TMEM164: variants seen among roughly 807,000 people sequenced by gnomAD.
TMEM164 encodes the protein RP13-360B22.2.
A neutral mutation model predicts 18.8 loss-of-function variants in TMEM164; 4 were observed. That is an observed-to-expected ratio of 0.21 (90% CI 0.10 to 0.49). The LOEUF (loss-of-function observed/expected upper bound fraction) is 0.49, where lower values mean the gene tolerates loss of function less well. TMEM164 is among the 20% of genes least tolerant of loss of function. The pLI is 0.98. For missense variants in TMEM164, 108 were observed against 239.9 expected, an observed-to-expected ratio of 0.45 and a Z score of 3.63; for synonymous variants, 86 against 101.7, an observed-to-expected ratio of 0.85 and a Z score of 0.93.
chrX:110,066,559 C>T (rs964120095), intron 2 of TMEM164, among the ~76,000 whole-genome samples: 1 of 111,961 alleles, frequency 8.9e-6, no homozygotes, highest in Non-Finnish European at 1.9e-5. Flanking sequence ...ATGGGGGAAC[C>T]CAGGAATTTG....
chrX:110,046,497 A>G, intron 2 of TMEM164: 1 of 752,276 alleles, frequency 1.3e-6, no homozygotes, highest in Non-Finnish European at 1.6e-6. Context: ...AAGGAGGCTG[A>G]AAAAAGGTGG....
At chrX:110,105,318 T>A (rs903540730) in intron 3 of TMEM164, among the ~76,000 whole-genome samples, 6 of 110,948 alleles carry the variant, frequency 5.4e-5, no homozygotes, top group Admixed American at 9.7e-5. Flanking sequence ...ATGCATTTTT[T>A]AAATATAATT....
At chrX:110,111,639 A>G (rs59934729) in intron 4 of TMEM164, among the ~76,000 whole-genome samples, 1 of 112,377 alleles carries the variant, frequency 8.9e-6, no homozygotes, top group African/African-American at 3.2e-5. Context: ...GTGGATAGAT[A>G]TAGTTCCTCT....
At chrX:110,129,604 AC>A (rs2066584532) in intron 4 of TMEM164, among the ~76,000 whole-genome samples, 1 of 112,492 alleles carries the variant, frequency 8.9e-6, no homozygotes, top group Non-Finnish European at 1.9e-5. Flanking sequence ...TTTATCCAGG[AC>A]TTTTGGATGT....
chrX:110,014,879 G>T (rs1005106940), intron 2 of TMEM164, among the ~76,000 whole-genome samples: 1 of 109,520 alleles, frequency 9.1e-6, no homozygotes, highest in Non-Finnish European at 1.9e-5. Flanking sequence ...GAGCTCCTGG[G>T]TGAAAGGCAG....
chrX:110,053,937 A>C (rs929447320), intron 2 of TMEM164, among the ~76,000 whole-genome samples: 1 of 111,693 alleles, frequency 9.0e-6, no homozygotes, highest in African/African-American at 3.3e-5. Flanking sequence ...AGATGTGCGC[A>C]TGTGTTCTGG....
At chrX:110,132,562 G>C (rs1010898806) in intron 4 of TMEM164, among the ~76,000 whole-genome samples, 3 of 111,689 alleles carry the variant, frequency 2.7e-5, no homozygotes, top group African/African-American at 9.8e-5. Flanking sequence ...GATATTACTT[G>C]GTTGTTTTTC....
intron 3 of TMEM164, among the ~76,000 whole-genome samples, chrX:110,096,999 T>G (rs1278587516): frequency 2.7e-5 from 3 of 111,697 alleles, no homozygotes; most frequent in Non-Finnish European, 5.6e-5. Flanking sequence ...GACTCCGGGA[T>G]GGTAGAAATA....
rs1932522313 is a variant in TMEM164 at position 110,004,120 on chromosome X, G to A, written c.346G>A (p.Val116Ile). 8.3e-7 allele frequency: 1 copy of A among 1,207,683 alleles called. No homozygotes were observed. Among genetic ancestry groups the A allele is most frequent in the Non-Finnish European group, 1.1e-6 (1 of 894,465 alleles). ...EVGFKFATKT[V>I]IYLLNPCHLV... Reference sequence around the variant, plus strand: ...GGGCTTTAAGTTCGCCACCAAGACCGTCATCTACCTGCTCAACCCCTGTCA... The same window carrying A: ...GGGCTTTAAGTTCGCCACCAAGACCATCATCTACCTGCTCAACCCCTGTCA... The change falls in exon 2 of 7, where the codon GTC becomes ATC. Residue 116 changes from valine to isoleucine, a missense_variant. By Grantham distance (29) the Val-to-Ile change is conservative (BLOSUM62 3). Coordinates refer to ENST00000372068, the MANE Select transcript of TMEM164 (RefSeq NM_032227.4).
chrX:110,145,052 C>T (rs919670611), intron 5 of TMEM164, among the ~76,000 whole-genome samples, 176 bp downstream of exon 5: 1 of 110,966 alleles, frequency 9.0e-6, no homozygotes, highest in African/African-American at 3.3e-5. Flanking sequence ...TGGACGAGGC[C>T]TGCAAGGGGT....
chrX:110,129,072 C>T (rs184160225), intron 4 of TMEM164, among the ~76,000 whole-genome samples: 266 of 108,022 alleles, frequency 2.5e-3, no homozygotes, highest in Non-Finnish European at 3.6e-3. Flanking sequence ...TCTTGCTAGG[C>T]ACCTGAGAGC....
In TMEM164 at chrX:110,176,796, G is replaced by A. The variant is rs2067295218; in HGVS notation, c.*3345G>A. On this transcript the variant is annotated 3_prime_UTR_variant, in exon 7 of 7. Transcript: ENST00000372068. The stretch of plus-strand genomic sequence containing the variant: ...AGACTTCCTTGGATTTGTAGATGTT[G>A]ACCCAGAGTCCTCTGTCCCCTCCTG... 8.9e-6 allele frequency: 1 copy of A among 111,968 alleles called. No individual in the cohort carries two copies. The highest frequency in any genetic ancestry group is 3.3e-5 in the African/African-American group (1 of 30,745). 9.2% of individuals were successfully genotyped at this position (111,968 alleles called of 1,213,427 possible).
chrX:110,016,610 G>A (rs1933385571), intron 2 of TMEM164, among the ~76,000 whole-genome samples: 1 of 111,479 alleles, frequency 9.0e-6, no homozygotes, highest in African/African-American at 3.3e-5. Flanking sequence ...TACTGCCTGT[G>A]TATTACCTCA....
chrX:110,066,052 G>T (rs767920893), intron 2 of TMEM164, among the ~76,000 whole-genome samples: 198 of 111,854 alleles, frequency 1.8e-3, no homozygotes, highest in Non-Finnish European at 3.0e-3. Flanking sequence ...CTTTGATGAG[G>T]TATCATGCAG....
In TMEM164 at chrX:110,073,908, C is replaced by T. The variant is rs142108531; in HGVS notation, c.440+6512C>T. ...GTTGTTGTTCTTTGAGACAGAATCTCGCTTTGTTGCCCAGGCTGGAGTACA... is the reference window on the plus strand; with the variant it reads ...GTTGTTGTTCTTTGAGACAGAATCTTGCTTTGTTGCCCAGGCTGGAGTACA... On this transcript the variant is annotated intron_variant, in intron 3 of 6. Coordinates refer to ENST00000372068, the MANE Select transcript of TMEM164 (RefSeq NM_032227.4). 1.0e-3 allele frequency among the ~76,000 whole-genome samples: 114 copies of T among 110,892 alleles called. 2 individuals carry two copies. The East Asian group carries it at 0.017, about 16-fold the overall frequency.
chrX:110,014,744 C>CTTTTTTTTTTTTTTTTTTTTTTTTTT (rs142705177), intron 2 of TMEM164, among the ~76,000 whole-genome samples: 168 of 54,181 alleles, frequency 3.1e-3, no homozygotes, highest in Non-Finnish European at 3.8e-3. Flanking sequence ...TTGGTTGTTT[C>CTTTTTTTTTTTTTTTTTTTTTTTTTT]TTTTTTTTTT....
At chrX:110,173,206 G>A in intron 6 of TMEM164, 39 bp from the exon 7 acceptor site, 1 of 1,188,746 alleles carries the variant, frequency 8.4e-7, no homozygotes, top group East Asian at 3.0e-5. Context: ...GAAAGCCTAA[G>A]GATGGTGAAC....
rs763401634 is a variant in TMEM164 at position 110,143,630 on chromosome X, ATCT to A, written c.508-1163_508-1161del. Among the ~76,000 whole-genome samples, 3 of 111,082 alleles carry A rather than the reference ATCT, an allele frequency of 2.7e-5. No homozygotes were observed. In the South Asian group the frequency reaches 1.2e-3, roughly 43 times the overall value. On this transcript the variant is annotated intron_variant, in intron 4 of 6. Transcript: ENST00000372068. ...CAGCTCCCATTCTGGGAGCTCTGCC[ATCT>A]TCTTGGTTTCAGCCCTTGGCATAAG...
intron 3 of TMEM164, among the ~76,000 whole-genome samples, chrX:110,074,408 G>T (rs775619969): frequency 9.0e-6 from 1 of 111,619 alleles, no homozygotes; most frequent in Non-Finnish European, 1.9e-5. Context: ...TCTGTATGTT[G>T]TCTGTTTACT....
Sources: gnomAD v4.1 joint callset for allele counts (sites outside exome capture counted in the v4.1 genomes callset) on GRCh38, gnomAD v4.1.1 for gene constraint, MANE v1.5 for transcripts, NCBI Gene and HGNC (gene_info 2026-07-23, HGNC 2026-07-21) for gene names.